The following GRM8 variants were observed in gnomAD, a reference collection of about 807,000 sequenced individuals.
The protein encoded by GRM8 is metabotropic glutamate receptor 8.
Under a neutral mutation model 87.2 loss-of-function variants are expected in GRM8, and 47 were observed. That is an observed-to-expected ratio of 0.54 (90% CI 0.43 to 0.69). GRM8 has a LOEUF of 0.69. GRM8 is among the 30% of genes least tolerant of loss of function. The probability of loss-of-function intolerance (pLI) is 0.00; values close to 1 mark genes in which losing one functional copy is unlikely to be tolerated. For synonymous variants in GRM8, 396 were observed against 404.5 expected (o/e 0.98, Z 0.25); for missense variants, 1,019 against 1,139.2 (o/e 0.89, Z 1.52).
chr7:126,603,333 G>T lies in GRM8; in HGVS notation c.1494+6029C>A, dbSNP rs1158658574. Among the ~76,000 whole-genome samples the T allele has an allele frequency of 2.7e-3, 397 of 147,002 alleles. 3 individuals carry two copies. Among genetic ancestry groups the T allele is most frequent in the South Asian group, 6.1e-3 (27 of 4,410 alleles). Reference sequence around the variant, plus strand: ...CCCTTTGAAAACTGGCACAAGACAGGGATGCCCTCTCTCACCGCTCCTATT... The same window carrying T: ...CCCTTTGAAAACTGGCACAAGACAGTGATGCCCTCTCTCACCGCTCCTATT... On this transcript the variant is annotated intron_variant, in intron 8 of 10. Transcript: ENST00000339582.
chr7:127,194,323 G>T (rs562386057), intron 2 of GRM8, among the ~76,000 whole-genome samples: 1 of 152,082 alleles, frequency 6.6e-6, no homozygotes, highest in African/African-American at 2.4e-5. Flanking sequence ...GCAGGACTGC[G>T]GCGTAAATAA....
intron 9 of GRM8, among the ~76,000 whole-genome samples, chr7:126,483,560 A>T (rs1447708493): frequency 2.1e-5 from 3 of 145,632 alleles, no homozygotes; most frequent in African/African-American, 5.1e-5. Flanking sequence ...TGCGTCCCTA[A>T]CCAAAATTTG....
chr7:127,134,347 C>T (rs1444202919), intron 2 of GRM8, among the ~76,000 whole-genome samples: 3 of 152,102 alleles, frequency 2.0e-5, no homozygotes, highest in African/African-American at 4.8e-5. Flanking sequence ...TAAAGTTGTT[C>T]AACACTTCAA....
chr7:126,756,035 TAAC>T (rs1816967927), intron 7 of GRM8, among the ~76,000 whole-genome samples: 1 of 151,716 alleles, frequency 6.6e-6, no homozygotes, highest in African/African-American at 2.4e-5. Context: ...ATCACAAAAA[TAAC>T]AACAACAATG....
At chr7:127,245,125 G>A (rs1431326589) in intron 1 of GRM8, among the ~76,000 whole-genome samples, 5 of 152,232 alleles carry the variant, frequency 3.3e-5, no homozygotes, top group African/African-American at 1.2e-4. Context: ...GAAACACTCA[G>A]AAAGTCAACC....
intron 9 of GRM8, among the ~76,000 whole-genome samples, chr7:126,467,777 A>T (rs1464726729): frequency 6.6e-6 from 1 of 152,066 alleles, no homozygotes. Flanking sequence ...ATGTTTAAGA[A>T]TTTTTTAAAA....
At chr7:127,248,232 G>C (rs935261625) in intron 1 of GRM8, among the ~76,000 whole-genome samples, 6 of 152,232 alleles carry the variant, frequency 3.9e-5, no homozygotes, top group Non-Finnish European at 8.8e-5. Context: ...ATTGCCTGCA[G>C]TGTGCCTGGA....
chr7:126,701,227 T>TG (rs1032183963), intron 7 of GRM8, among the ~76,000 whole-genome samples: 1 of 152,034 alleles, frequency 6.6e-6, no homozygotes, highest in Non-Finnish European at 1.5e-5. Flanking sequence ...CCCGGAAGGT[T>TG]GGGGGTGGGC....
chr7:126,558,156 T>C (rs1192192997), intron 8 of GRM8, among the ~76,000 whole-genome samples: 1 of 152,186 alleles, frequency 6.6e-6, no homozygotes, highest in Non-Finnish European at 1.5e-5. Flanking sequence ...CTAGGTAGCA[T>C]TTATGATTTG....
intron 3 of GRM8, among the ~76,000 whole-genome samples, chr7:127,045,631 C>A (rs1391716321): frequency 6.6e-6 from 1 of 151,980 alleles, no homozygotes; most frequent in Non-Finnish European, 1.5e-5. Flanking sequence ...TCATCAACCA[C>A]AACAAAAAAA....
intron 7 of GRM8, among the ~76,000 whole-genome samples, chr7:126,664,269 T>G (rs186653726): frequency 6.6e-6 from 1 of 152,078 alleles, no homozygotes; most frequent in Non-Finnish European, 1.5e-5. Flanking sequence ...TTATCTCTCA[T>G]AGAGTTCGAA....
intron 3 of GRM8, among the ~76,000 whole-genome samples, chr7:126,972,502 T>C (rs1810528666): frequency 6.6e-6 from 1 of 152,194 alleles, no homozygotes; most frequent in African/African-American, 2.4e-5. Flanking sequence ...AATCACCTTT[T>C]TTTTTTAACT....
intron 6 of GRM8, among the ~76,000 whole-genome samples, chr7:126,876,178 T>G (rs1427434729): frequency 2.6e-5 from 4 of 152,200 alleles, no homozygotes; most frequent in African/African-American, 9.7e-5. Flanking sequence ...TACATGGCAT[T>G]TACTGTCTCC....
At chr7:127,093,875 G>C (rs1178558099) in intron 3 of GRM8, among the ~76,000 whole-genome samples, 2 of 152,232 alleles carry the variant, frequency 1.3e-5, no homozygotes, top group African/African-American at 4.8e-5. Context: ...CTAGAGGACA[G>C]AGACTCTGCA....
At chr7:127,211,086 TA>T (rs11324768) in intron 2 of GRM8, among the ~76,000 whole-genome samples, 2,079 of 152,172 alleles carry the variant, frequency 0.014, 41 homozygotes, top group African/African-American at 0.047. Flanking sequence ...ACTAATAGGA[TA>T]GATGTATATA....
At chr7:126,553,076 C>A (rs563904031) in intron 8 of GRM8, among the ~76,000 whole-genome samples, 2 of 152,226 alleles carry the variant, frequency 1.3e-5, no homozygotes, top group South Asian at 4.1e-4. Context: ...ACAACCACCA[C>A]CAATCCCTCC....
intron 3 of GRM8, among the ~76,000 whole-genome samples, chr7:126,932,808 A>G (rs1805908675): frequency 1.3e-5 from 2 of 152,188 alleles, no homozygotes; most frequent in Non-Finnish European, 1.5e-5. Flanking sequence ...GAAAAATTCA[A>G]AAGAACTCTC....
At chr7:127,013,469 C>G (rs1239288437) in intron 3 of GRM8, among the ~76,000 whole-genome samples, 2 of 134,546 alleles carry the variant, frequency 1.5e-5, no homozygotes, top group Non-Finnish European at 3.1e-5. Flanking sequence ...ACCACATTTC[C>G]TATGGAAATG....
At chr7:126,810,757 C>T (rs1793210896) in intron 6 of GRM8, among the ~76,000 whole-genome samples, 1 of 152,126 alleles carries the variant, frequency 6.6e-6, no homozygotes, top group Admixed American at 6.5e-5. Context: ...ATGTACCTCA[C>T]TCAGATTTGT....
Sources: allele counts gnomAD v4.1 joint callset (sites outside exome capture counted in the v4.1 genomes callset), GRCh38; gene constraint gnomAD v4.1.1; transcripts MANE v1.5; gene names NCBI Gene and HGNC (gene_info 2026-07-23, HGNC 2026-07-21).